ZDHHC20: variants seen among roughly 807,000 people sequenced by gnomAD.
ZDHHC20 encodes the protein palmitoyltransferase ZDHHC20.
ZDHHC20 carries 43 observed loss-of-function variants against 57.8 expected under a neutral mutation model. The observed-to-expected ratio is 0.74, with a 90% confidence interval of 0.58 to 0.96. The LOEUF is 0.96. ZDHHC20 is among the 40% of genes least tolerant of loss of function. The pLI is 0.00. For missense variants in ZDHHC20, 391 were observed against 441.1 expected, an observed-to-expected ratio of 0.89 and a Z score of 1.02; for synonymous variants, 157 against 153.0, an observed-to-expected ratio of 1.03 and a Z score of -0.19.
Position 21,459,039 on chromosome 13 carries a change from G to C in ZDHHC20, c.118+15C>G, listed in dbSNP as rs376404739. On this transcript the variant is annotated intron_variant, in intron 1 of 12. Coordinates refer to ENST00000400590, the MANE Select transcript of ZDHHC20 (RefSeq NM_001330059.2). ...CGGCCCGCGCCCCGCCGCAGTCCCC[G>C]GGGACGGTACTCACACACGCAGAGC... is the stretch of plus-strand genomic sequence containing the variant. 6 of 1,575,322 alleles carry C rather than the reference G, an allele frequency of 3.8e-6. No individual in the cohort carries two copies. The highest frequency in any genetic ancestry group is 2.6e-6 in the Non-Finnish European group (3 of 1,160,458).
At chr13:21,425,281 T>C (rs1212218286) in intron 2 of ZDHHC20, among the ~76,000 whole-genome samples, 1 of 152,136 alleles carries the variant, frequency 6.6e-6, no homozygotes, top group African/African-American at 2.4e-5. Context: ...ATCAATAAAA[T>C]TTAGACATCA....
intron 1 of ZDHHC20, among the ~76,000 whole-genome samples, chr13:21,451,377 T>TA (rs1884428103): frequency 6.6e-6 from 1 of 152,198 alleles, no homozygotes; most frequent in Non-Finnish European, 1.5e-5. Context: ...TATATTAATT[T>TA]AAAGTCTACT....
chr13:21,428,222 T>C (rs1302421943), intron 1 of ZDHHC20, among the ~76,000 whole-genome samples: 6 of 152,096 alleles, frequency 3.9e-5, no homozygotes, highest in Non-Finnish European at 8.8e-5. Context: ...TTTTCTTTTT[T>C]GTTTTGTTTT....
chr13:21,406,996 A>G (rs1219359405), intron 4 of ZDHHC20, among the ~76,000 whole-genome samples: 1 of 152,040 alleles, frequency 6.6e-6, no homozygotes, highest in Non-Finnish European at 1.5e-5. Context: ...ACACTCCCAC[A>G]AACAGTGTAA....
intron 1 of ZDHHC20, among the ~76,000 whole-genome samples, chr13:21,444,688 C>T (rs1460589384): frequency 3.3e-5 from 5 of 152,088 alleles, no homozygotes; most frequent in Non-Finnish European, 7.4e-5. Context: ...TAGGTATATC[C>T]GTCCCCTACC....
At chr13:21,422,624 CATT>C (rs35073080) in intron 2 of ZDHHC20, among the ~76,000 whole-genome samples, 38,284 of 151,912 alleles carry the variant, frequency 0.25, 5,710 homozygotes, top group South Asian at 0.33. Flanking sequence ...CAAGTGAACT[CATT>C]ATTATTATTT....
chr13:21,453,233 T>C (rs919562182), intron 1 of ZDHHC20, among the ~76,000 whole-genome samples: 2 of 152,242 alleles, frequency 1.3e-5, no homozygotes, highest in Non-Finnish European at 2.9e-5. Flanking sequence ...AGTCACTTCA[T>C]AATGTTAAGT....
rs116812742 is a variant in ZDHHC20, at chr13:21,429,957, C to A, written c.119-4279G>T. Among the ~76,000 whole-genome samples the A allele has an allele frequency of 6.4e-3, 981 of 152,158 alleles. 10 individuals carry two copies. Among genetic ancestry groups the A allele is most frequent in the African/African-American group, 0.023 (935 of 41,512 alleles). On this transcript the variant is annotated intron_variant, in intron 1 of 12. Transcript: ENST00000400590. ...AAAATCTCCATCTGGTTCTTTACAT[C>A]TTCTATTTCTTTGTTGAGAATTCTA...
At chr13:21,450,001 T>TCATG (rs1884293513) in intron 1 of ZDHHC20, among the ~76,000 whole-genome samples, 1 of 151,756 alleles carries the variant, frequency 6.6e-6, no homozygotes, top group African/African-American at 2.4e-5. Context: ...TTTAAAGGAG[T>TCATG]GTAACAGTTG....
At chr13:21,383,616 C>A (rs1035609681) in intron 9 of ZDHHC20, among the ~76,000 whole-genome samples, 1 of 152,146 alleles carries the variant, frequency 6.6e-6, no homozygotes, top group African/African-American at 2.4e-5. Context: ...TAGTATAGCA[C>A]CCCAAGCATA....
chr13:21,402,270 T>G (rs1877762257), intron 5 of ZDHHC20, among the ~76,000 whole-genome samples: 1 of 152,092 alleles, frequency 6.6e-6, no homozygotes, highest in Non-Finnish European at 1.5e-5. Flanking sequence ...TTCCACATAT[T>G]CTATAAAATT....
intron 2 of ZDHHC20, among the ~76,000 whole-genome samples, chr13:21,424,536 C>T (rs930626776): frequency 5.3e-5 from 8 of 152,054 alleles, no homozygotes; most frequent in African/African-American, 1.4e-4. Context: ...AGTAAAACCC[C>T]GTCTCTACTA....
intron 1 of ZDHHC20, among the ~76,000 whole-genome samples, chr13:21,439,413 T>C (rs570933464): frequency 4.6e-5 from 7 of 152,204 alleles, no homozygotes; most frequent in African/African-American, 7.2e-5. Context: ...GGCAGGAGGA[T>C]TGCCTGAGCC....
In ZDHHC20 at chr13:21,375,525, T is replaced by G. The variant is rs1385692948; in HGVS notation, c.*1171A>C. On this transcript the variant is annotated 3_prime_UTR_variant, in exon 13 of 13. Coordinates refer to ENST00000400590, the MANE Select transcript of ZDHHC20 (RefSeq NM_001330059.2). ...AGGGGTTGCCGTTAGGAAGTCAGAC[T>G]TCAGACTGTGCGTCTAAGAGTAGAA... 2 of 174,008 alleles carry G rather than the reference T, an allele frequency of 1.1e-5. No individual in the cohort carries two copies. Among genetic ancestry groups the G allele is most frequent in the Non-Finnish European group, 2.4e-5 (2 of 81,768 alleles). The allele number at this position is 174,008 out of a possible 1,614,324, so 10.8% of individuals were successfully genotyped here. A position where few individuals can be genotyped will look rare whatever the true frequency, so the allele number is the denominator to read the frequency against.
intron 1 of ZDHHC20, among the ~76,000 whole-genome samples, chr13:21,453,788 G>A (rs796417908): frequency 3.3e-5 from 5 of 152,172 alleles, no homozygotes; most frequent in African/African-American, 7.2e-5. Context: ...CCGAGATTGC[G>A]CCATTGCACT....
chr13:21,382,003 T>C, intron 10 of ZDHHC20: 1 of 491,118 alleles, frequency 2.0e-6, no homozygotes, highest in Non-Finnish European at 4.1e-6. Flanking sequence ...AGCTAAAAGA[T>C]CCAGGGAGGG....
chr13:21,449,647 C>A (rs1313177091), intron 1 of ZDHHC20, among the ~76,000 whole-genome samples: 12 of 144,358 alleles, frequency 8.3e-5, no homozygotes, highest in Non-Finnish European at 1.7e-4. Flanking sequence ...TATTATTATA[C>A]TTTTTTTTTT....
chr13:21,422,161 G>A (rs1270705648), intron 2 of ZDHHC20, among the ~76,000 whole-genome samples: 1 of 151,306 alleles, frequency 6.6e-6, no homozygotes, highest in Non-Finnish European at 1.5e-5. Context: ...TCTTATCCAG[G>A]TATTTTAATG....
chr13:21,421,234 A>G (rs1880616150), intron 2 of ZDHHC20, 70 bp from the exon 3 acceptor site: 4 of 1,246,634 alleles, frequency 3.2e-6, no homozygotes, highest in Admixed American at 2.0e-5. Context: ...ACATTAAAAC[A>G]CAATAATTGG....
Sources: gnomAD v4.1 joint callset for allele counts (sites outside exome capture counted in the v4.1 genomes callset) on GRCh38, gnomAD v4.1.1 for gene constraint, MANE v1.5 for transcripts, NCBI Gene and HGNC (gene_info 2026-07-23, HGNC 2026-07-21) for gene names.